The following FYCO1 variants were observed in gnomAD, a reference collection of about 807,000 sequenced individuals.
FYCO1 encodes FYVE and coiled-coil domain-containing protein 1.
In FYCO1, 122 loss-of-function variants were observed where a neutral mutation model predicts 165.1. That is an observed-to-expected ratio of 0.74 (90% CI 0.64 to 0.86). The LOEUF (loss-of-function observed/expected upper bound fraction) is 0.86. Ranked by LOEUF, FYCO1 falls within the 40% of genes least tolerant of loss-of-function variation. The pLI is 0.00. For missense variants in FYCO1, 1,702 were observed against 1,810.3 expected (o/e 0.94, Z 1.09); for synonymous variants, 648 against 742.5 (o/e 0.87, Z 2.07).
intron 14 of FYCO1, among the ~76,000 whole-genome samples, chr3:45,953,216 A>G (rs2125831495): frequency 6.6e-6 from 1 of 152,362 alleles, no homozygotes; most frequent in South Asian, 2.1e-4. Context: ...TCAATCTGAC[A>G]GAGCAGTCCT....
At chr3:45,970,883 C>T (rs923660390) in intron 6 of FYCO1, among the ~76,000 whole-genome samples, 2 of 151,188 alleles carry the variant, frequency 1.3e-5, no homozygotes, top group African/African-American at 4.9e-5. Flanking sequence ...CAAAATAAAA[C>T]TATATATATA....
chr3:45,927,289 A>C (rs1024329394), intron 16 of FYCO1, among the ~76,000 whole-genome samples: 1 of 152,204 alleles, frequency 6.6e-6, no homozygotes, highest in South Asian at 2.1e-4. Context: ...TTAAGAAAAC[A>C]CCTCTCAAAC....
At chr3:45,975,664 T>G (rs1222545195) in intron 4 of FYCO1, among the ~76,000 whole-genome samples, 1 of 152,250 alleles carries the variant, frequency 6.6e-6, no homozygotes, top group Non-Finnish European at 1.5e-5. Context: ...CCTCCTCTGC[T>G]CTATCAGAAT....
intron 11 of FYCO1, 104 bp from the exon 12 acceptor site, chr3:45,959,646 G>T: frequency 8.0e-7 from 1 of 1,256,530 alleles, no homozygotes. Flanking sequence ...CTAAGTCATA[G>T]AAAGAAAATT....
chr3:45,980,995 A>G (rs1707021460), intron 3 of FYCO1, among the ~76,000 whole-genome samples: 3 of 152,182 alleles, frequency 2.0e-5, no homozygotes, highest in Non-Finnish European at 4.4e-5. Context: ...TTAAAAGAAA[A>G]TATCCTGGGC....
intron 14 of FYCO1, among the ~76,000 whole-genome samples, chr3:45,949,944 G>A (rs1327778426): frequency 6.6e-6 from 1 of 152,214 alleles, no homozygotes; most frequent in South Asian, 2.1e-4. Flanking sequence ...CCCCTGGATA[G>A]GGGAATAAAC....
At chr3:45,957,854 C>T (rs1171944887) in intron 13 of FYCO1, among the ~76,000 whole-genome samples, 2 of 152,276 alleles carry the variant, frequency 1.3e-5, no homozygotes, top group East Asian at 3.8e-4. Flanking sequence ...AGCTCTGCCT[C>T]CCTGTGTTCC....
At chr3:45,991,664 T>C (rs557745013) in intron 1 of FYCO1, among the ~76,000 whole-genome samples, 43 of 134,788 alleles carry the variant, frequency 3.2e-4, no homozygotes, top group African/African-American at 1.1e-3. Flanking sequence ...CACAGTTCGG[T>C]TCCCGAGGAA....
At chr3:45,981,834 G>A (rs769739626) in intron 2 of FYCO1, among the ~76,000 whole-genome samples, 158 bp from the exon 3 acceptor site, 3 of 152,196 alleles carry the variant, frequency 2.0e-5, no homozygotes, top group African/African-American at 7.2e-5. Context: ...ATAACTCCAA[G>A]TCAGGGAGTG....
intron 3 of FYCO1, among the ~76,000 whole-genome samples, chr3:45,980,982 A>G (rs1707021047): frequency 6.6e-6 from 1 of 152,162 alleles, no homozygotes. Flanking sequence ...TACCATCAAT[A>G]TGTTAAAAGA....
intron 14 of FYCO1, among the ~76,000 whole-genome samples, chr3:45,943,946 T>C (rs1371837906): frequency 6.6e-6 from 1 of 152,212 alleles, no homozygotes; most frequent in Non-Finnish European, 1.5e-5. Context: ...TAAATCAACA[T>C]ACTACTGTAG....
chr3:45,981,299 A>C (rs1707040902), intron 3 of FYCO1, among the ~76,000 whole-genome samples: 1 of 152,252 alleles, frequency 6.6e-6, no homozygotes, highest in Non-Finnish European at 1.5e-5. Context: ...TTTGCCATAC[A>C]GTAACCTTCT....
Position 45,962,100 on chromosome 3 carries a change from C to A in FYCO1, c.3437+125G>T. On this transcript the variant is annotated intron_variant, in intron 11 of 17. Coordinates refer to ENST00000296137, the MANE Select transcript of FYCO1 (RefSeq NM_024513.4). This position sits in a 1 kb window ranked among gnomAD's most constrained non-coding sequence, Gnocchi z 4.4. ...AGTGAGATGGAGAAGGAGAGAGGGG[C>A]TCCTGAGACAGCAGCAAGAAAGTGG... 9.6e-7 allele frequency: 1 copy of A among 1,045,384 alleles called. No homozygotes were observed. Among genetic ancestry groups the A allele is most frequent in the Non-Finnish European group, 1.5e-6 (1 of 673,382 alleles). The allele number at this position is 1,045,384 out of a possible 1,614,324, so 64.8% of individuals were successfully genotyped here.
intron 1 of FYCO1, among the ~76,000 whole-genome samples, chr3:45,995,109 C>T (rs1189667560): frequency 6.6e-6 from 1 of 150,552 alleles, no homozygotes; most frequent in East Asian, 2.0e-4. Context: ...TGCCGCCACA[C>T]CAGAGACAAC....
chr3:45,922,242 C>T (rs1703120370), intron 17 of FYCO1, among the ~76,000 whole-genome samples: 1 of 152,228 alleles, frequency 6.6e-6, no homozygotes, highest in African/African-American at 2.4e-5. Context: ...GTTCTGATAT[C>T]CATAGTTTGG....
At chr3:45,973,348 C>T in intron 5 of FYCO1, 117 bp from the exon 6 acceptor site, 1 of 990,080 alleles carries the variant, frequency 1.0e-6, no homozygotes, top group Non-Finnish European at 1.6e-6. Context: ...TTAAAAGACA[C>T]AGGCACACAA....
chr3:45,977,366 TA>T (rs1455581498), intron 4 of FYCO1, among the ~76,000 whole-genome samples: 1 of 10,342 alleles, frequency 9.7e-5, no homozygotes, highest in African/African-American at 2.3e-4. Context: ...TATATATATA[TA>T]TATATATATA....
Position 45,966,387 on chromosome 3 carries a change from C to G in FYCO1, c.2947G>C (p.Ala983Pro). 1 of 1,613,874 alleles carries G rather than the reference C, an allele frequency of 6.2e-7. No homozygotes were observed. The part of the protein sequence containing the change: ...GSLPGLQAQL[A>P]QAEQRAQSLQ... ...CTCTGGGCCCGCTGCTCTGCCTGGG[C>G]GAGCTGGGCCTGCAGGCCAGGCAGT... Residue 983 changes from alanine (A) to proline (P), a missense_variant, in exon 8 of 18, where the codon GCC becomes CCC. Coordinates refer to ENST00000296137, the MANE Select transcript of FYCO1 (RefSeq NM_024513.4).
intron 4 of FYCO1, among the ~76,000 whole-genome samples, chr3:45,976,515 C>A (rs1039377901): frequency 1.3e-5 from 2 of 152,238 alleles, no homozygotes; most frequent in Non-Finnish European, 2.9e-5. Context: ...CCTGCTCTCT[C>A]AGGCTCTGGC....
Sources: gnomAD v4.1 joint callset for allele counts (sites outside exome capture counted in the v4.1 genomes callset) on GRCh38, gnomAD v4.1.1 for gene constraint, Gnocchi (gnomAD v3.1) non-coding constraint, MANE v1.5 for transcripts, NCBI Gene and HGNC (gene_info 2026-07-23, HGNC 2026-07-21) for gene names.